The following KIAA1217 variants were observed in gnomAD, a reference collection of about 807,000 sequenced individuals.
KIAA1217 encodes the protein sickle tail protein homolog.
Under a neutral mutation model 163.9 loss-of-function variants are expected in KIAA1217, and 88 were observed. The observed-to-expected ratio is 0.54, with a 90% CI of 0.45 to 0.64. The LOEUF (loss-of-function observed/expected upper bound fraction) is 0.64. Among genes scored for constraint, KIAA1217 ranks in the 30% least tolerant of loss-of-function variants. The pLI, the probability that KIAA1217 is intolerant of heterozygous loss-of-function variation, is 0.00. For missense variants in KIAA1217, 2,372 were observed against 2,475.0 expected, an observed-to-expected ratio of 0.96 and a Z score of 0.88; for synonymous variants, 903 against 923.1, an observed-to-expected ratio of 0.98 and a Z score of 0.39.
In KIAA1217 at chr10:23,726,460, A is replaced by C. The variant is rs188683327; in HGVS notation, c.-321+31226A>C. Among the ~76,000 whole-genome samples, 186 of 152,214 alleles carry C rather than the reference A, an allele frequency of 1.2e-3. 1 individual carries two copies. Among genetic ancestry groups the C allele is most frequent in the African/African-American group, 4.3e-3 (177 of 41,562 alleles). ...AAAACCATAGAAACCCTAGAAGAAA[A>C]CTTAGGCAATACCATTCAGGACATA... On this transcript the variant is annotated intron_variant, in intron 1 of 18. Transcript: ENST00000376462.
chr10:24,441,769 G>C (rs1301591960), intron 5 of KIAA1217, among the ~76,000 whole-genome samples: 1 of 152,086 alleles, frequency 6.6e-6, no homozygotes, highest in Non-Finnish European at 1.5e-5. Flanking sequence ...TCACCATATG[G>C]AACAGGCCCT....
chr10:24,424,058 A>C (rs1328621327), intron 3 of KIAA1217, among the ~76,000 whole-genome samples: 1 of 151,538 alleles, frequency 6.6e-6, no homozygotes, highest in Non-Finnish European at 1.5e-5. Flanking sequence ...TCCAAGAGTA[A>C]AGTTATTCCA....
chr10:24,015,309 G>T (rs1473924087), intron 2 of KIAA1217, among the ~76,000 whole-genome samples: 1 of 152,084 alleles, frequency 6.6e-6, no homozygotes, highest in Non-Finnish European at 1.5e-5. Context: ...AAACAATGAA[G>T]ATTTACTGTT....
In KIAA1217 at chr10:23,947,412, A is replaced by G. The variant is rs569083411; in HGVS notation, c.-320-59813A>G. Among the ~76,000 whole-genome samples the G allele has an allele frequency of 5.3e-5, 8 of 152,350 alleles. No individual in the cohort carries two copies. In the East Asian group the frequency reaches 9.7e-4, roughly 18 times the overall value. ...CAATTTCCCATTTCTTTGACTTGCA[A>G]TTGGAGTAATCACGTTATGTGCAAT... On this transcript the variant is annotated intron_variant, in intron 1 of 18. Transcript: ENST00000376462.
intron 2 of KIAA1217, among the ~76,000 whole-genome samples, chr10:24,251,860 A>T (rs1451729250): frequency 4.1e-5 from 5 of 121,216 alleles, no homozygotes; most frequent in Non-Finnish European, 8.3e-5. Flanking sequence ...ATCTGTTAAA[A>T]AAAAAAAAAA....
intron 2 of KIAA1217, among the ~76,000 whole-genome samples, chr10:24,045,326 A>G (rs183037063): frequency 6.6e-6 from 1 of 152,172 alleles, no homozygotes; most frequent in Admixed American, 6.5e-5. Context: ...ATTTAAAAGT[A>G]TAGGTGTTTT....
chr10:23,988,423 C>T (rs748542776), intron 1 of KIAA1217, among the ~76,000 whole-genome samples: 2 of 152,188 alleles, frequency 1.3e-5, no homozygotes, highest in Non-Finnish European at 2.9e-5. Context: ...AGCAAATTTA[C>T]ATTTTTTCTC....
intron 14 of KIAA1217, among the ~76,000 whole-genome samples, chr10:24,528,371 G>T (rs1316287211): frequency 1.3e-5 from 2 of 149,488 alleles, no homozygotes; most frequent in African/African-American, 2.5e-5. Flanking sequence ...ACCCAGGCTG[G>T]AGTGTAGTGG....
intron 1 of KIAA1217, among the ~76,000 whole-genome samples, chr10:23,896,371 C>G (rs886741633): frequency 6.6e-6 from 1 of 152,028 alleles, no homozygotes. Context: ...CACACGCTGT[C>G]GAGAGTTCTT....
chr10:24,264,737 A>ACTTGCTCT lies in KIAA1217; in HGVS notation c.354+44829_354+44836dup, dbSNP rs540780184. On this transcript the variant is annotated intron_variant, in intron 2 of 20. Transcript: ENST00000376454. ...ATTTTTCTTAATTTAACCTGAACTTACTTGCTCTTGTGGTGGTCGGTCGGT... is the reference window on the plus strand; with the variant it reads ...ATTTTTCTTAATTTAACCTGAACTTACTTGCTCTCTTGCTCTTGTGGTGGTCGGTCGGT... 1.1e-4 allele frequency among the ~76,000 whole-genome samples: 17 copies of ACTTGCTCT among 150,204 alleles called. No individual in the cohort carries two copies. The South Asian group carries it at 3.4e-3, about 30-fold the overall frequency.
Position 23,858,356 on chromosome 10 carries a change from GATACCTAAAGA to G in KIAA1217, c.-320-148867_-320-148857del, listed in dbSNP as rs543257893. ...AGTGTTCACTGATTTAAAAATTGAT[GATACCTAAAGA>G]ACTATAAACTTAGAACTTTTTAAAA... On this transcript the variant is annotated intron_variant, in intron 1 of 18. Coordinates refer to the KIAA1217 transcript ENST00000376462. Among the ~76,000 whole-genome samples, 208 of 152,004 alleles carry G rather than the reference GATACCTAAAGA, an allele frequency of 1.4e-3. 1 individual carries two copies. The highest frequency in any genetic ancestry group is 4.7e-3 in the African/African-American group (194 of 41,458).
At chr10:24,185,298 G>T (rs1453899318) in intron 2 of KIAA1217, among the ~76,000 whole-genome samples, 1 of 152,158 alleles carries the variant, frequency 6.6e-6, no homozygotes, top group Admixed American at 6.5e-5. Flanking sequence ...ACACCACTCA[G>T]TTCCAGTTTG....
intron 2 of KIAA1217, among the ~76,000 whole-genome samples, chr10:24,269,210 TAAAAAAAA>T (rs59746609): frequency 2.3e-5 from 2 of 87,080 alleles, no homozygotes; most frequent in African/African-American, 8.3e-5. Context: ...AAAGTATAAT[TAAAAAAAA>T]AAAAAAAAAA....
At chr10:24,207,546 A>T (rs116626002), upstream of KIAA1217, among the ~76,000 whole-genome samples, 1,491 of 152,312 alleles carry the variant, frequency 9.8e-3, 24 homozygotes, top group African/African-American at 0.034. Flanking sequence ...TTCCTCCTTA[A>T]AGCAAGATTG....
chr10:24,060,662 G>A (rs1210916529), intron 2 of KIAA1217, among the ~76,000 whole-genome samples: 1 of 152,072 alleles, frequency 6.6e-6, no homozygotes, highest in Non-Finnish European at 1.5e-5. Context: ...TGTGCGTGGT[G>A]ACACAAGCCT....
chr10:24,387,652 C>A (rs999333660), intron 3 of KIAA1217, among the ~76,000 whole-genome samples: 2 of 152,154 alleles, frequency 1.3e-5, no homozygotes, highest in African/African-American at 4.8e-5. Context: ...TATTTAAAAA[C>A]CCCCGTTGTC....
rs977381174 is a variant in KIAA1217 at position 24,547,693 on chromosome 10, T to C, written c.*1369T>C. The C allele has an allele frequency of 3.9e-5, 6 of 152,154 alleles. No individual in the cohort carries two copies. The highest frequency in any genetic ancestry group is 8.8e-5 in the Non-Finnish European group (6 of 68,038). 9.4% of individuals were successfully genotyped at this position (152,154 alleles called of 1,614,324 possible). On this transcript the variant is annotated 3_prime_UTR_variant, in exon 21 of 21. Coordinates refer to ENST00000376454, the MANE Select transcript of KIAA1217 (RefSeq NM_019590.5). Reference sequence around the variant, plus strand: ...CCTTGGATGTGGCCTGTTGGCTCGCTTTCTTCTCTGTGGCTTATCAAGGTG... The same window carrying C: ...CCTTGGATGTGGCCTGTTGGCTCGCCTTCTTCTCTGTGGCTTATCAAGGTG...
intron 1 of KIAA1217, among the ~76,000 whole-genome samples, chr10:23,841,773 G>A (rs1226661232): frequency 6.6e-6 from 1 of 152,010 alleles, no homozygotes; most frequent in Non-Finnish European, 1.5e-5. Flanking sequence ...GAATACAAGG[G>A]TAGAATACAA....
chr10:24,142,463 A>C (rs375324538), intron 2 of KIAA1217, among the ~76,000 whole-genome samples: 45 of 152,294 alleles, frequency 3.0e-4, no homozygotes, highest in East Asian at 1.9e-3. Flanking sequence ...ATGAGAAGAG[A>C]ATAGCTGGAG....
Sources: gnomAD v4.1 joint callset for allele counts (sites outside exome capture counted in the v4.1 genomes callset) on GRCh38, gnomAD v4.1.1 for gene constraint, MANE v1.5 for transcripts, NCBI Gene and HGNC (gene_info 2026-07-23, HGNC 2026-07-21) for gene names.